PEX14: variants seen among roughly 807,000 people sequenced by gnomAD.
PEX14 encodes the protein peroxisomal membrane protein PEX14.
In PEX14, 15 loss-of-function variants were observed where a neutral mutation model predicts 49.5. The ratio of observed to expected loss-of-function variants is 0.30; its 90% CI spans 0.20 to 0.47. The LOEUF (loss-of-function observed/expected upper bound fraction) is 0.47. Among genes scored for constraint, PEX14 ranks in the 20% least tolerant of loss-of-function variants. PEX14 has a pLI of 1.00. For synonymous variants in PEX14, 210 were observed against 212.7 expected, an observed-to-expected ratio of 0.99 and a Z score of 0.11; for missense variants, 398 against 494.8, an observed-to-expected ratio of 0.80 and a Z score of 1.86.
intron 3 of PEX14, among the ~76,000 whole-genome samples, chr1:10,576,775 T>TA (rs1640127139): frequency 1.3e-5 from 2 of 151,244 alleles, no homozygotes; most frequent in Non-Finnish European, 1.5e-5. Flanking sequence ...TTTTTTTTTT[T>TA]AGATGGAATT....
At chr1:10,504,250 G>A (rs1481266302) in intron 2 of PEX14, among the ~76,000 whole-genome samples, 1 of 152,166 alleles carries the variant, frequency 6.6e-6, no homozygotes, top group Non-Finnish European at 1.5e-5. Context: ...AGTTATAACC[G>A]AGATTTATGC....
In PEX14 at chr1:10,524,362, C is replaced by T. The variant is rs1638400935; in HGVS notation, c.85-11851C>T. ...AAGGTTACAAAGCAAGATGGTAATTCATAATCCTTCAGATAACAAAAAGTG... is the reference window on the plus strand; with the variant it reads ...AAGGTTACAAAGCAAGATGGTAATTTATAATCCTTCAGATAACAAAAAGTG... On this transcript the variant is annotated intron_variant, in intron 2 of 8. Transcript: ENST00000356607. 7.0e-6 allele frequency: 3 copies of T among 430,296 alleles called. No individual in the cohort carries two copies. The South Asian group carries it at 3.0e-4, about 43-fold the overall frequency. 26.7% of individuals were successfully genotyped at this position (430,296 alleles called of 1,614,324 possible).
chr1:10,498,280 TAAAACAAAACAAAAC>T (rs70997243), intron 2 of PEX14, among the ~76,000 whole-genome samples: 21 of 150,042 alleles, frequency 1.4e-4, no homozygotes, highest in African/African-American at 2.5e-4. Flanking sequence ...GCCCTGTCTC[TAAAACAAAACAAAAC>T]AAAACAAAAC....
At position 10,613,968 on chromosome 1, in the gene PEX14, T is replaced by G. The variant is rs1272755175; in HGVS notation, c.299-4364T>G. 6.6e-6 allele frequency among the ~76,000 whole-genome samples: 1 copy of G among 152,198 alleles called. No individual in the cohort carries two copies. Among genetic ancestry groups the G allele is most frequent in the African/African-American group, 2.4e-5 (1 of 41,450 alleles). On this transcript the variant is annotated intron_variant, in intron 4 of 8. Transcript: ENST00000356607. This position sits in a 1 kb window ranked among gnomAD's most constrained non-coding sequence, Gnocchi z 5.0. ...CATCTCCTGCCCTTGTCTTTATACC[T>G]CCGGACATTCAGGGAGCCTGGTGGC...
chr1:10,572,078 G>T (rs534947640), intron 3 of PEX14, among the ~76,000 whole-genome samples: 1 of 152,212 alleles, frequency 6.6e-6, no homozygotes, highest in Non-Finnish European at 1.5e-5. Flanking sequence ...TCTTTCCTCA[G>T]ATTGAGAATT....
intron 2 of PEX14, among the ~76,000 whole-genome samples, chr1:10,502,373 T>C (rs1641697182): frequency 6.6e-6 from 1 of 152,192 alleles, no homozygotes; most frequent in African/African-American, 2.4e-5. Flanking sequence ...TTATGATCTC[T>C]AGGCCACTTA....
At chr1:10,564,029 T>A (rs1162054772) in intron 3 of PEX14, among the ~76,000 whole-genome samples, 1 of 152,232 alleles carries the variant, frequency 6.6e-6, no homozygotes, top group Non-Finnish European at 1.5e-5. Flanking sequence ...AGCTTTTAGA[T>A]TTTTTTCTCA....
At chr1:10,614,193 C>A (rs774490063) in intron 4 of PEX14, among the ~76,000 whole-genome samples, 5 of 152,238 alleles carry the variant, frequency 3.3e-5, no homozygotes, top group Non-Finnish European at 5.9e-5. Context: ...GGGTAGGAGT[C>A]ATCTCTATCC....
intron 3 of PEX14, among the ~76,000 whole-genome samples, chr1:10,592,415 GAAAA>G (rs991363658): frequency 6.8e-6 from 1 of 146,872 alleles, no homozygotes; most frequent in East Asian, 2.0e-4. Context: ...GGGATTAAAA[GAAAA>G]AAAAAACCTT....
At chr1:10,610,076 TTTA>T in intron 4 of PEX14, among the ~76,000 whole-genome samples, 1 of 148,118 alleles carries the variant, frequency 6.8e-6, no homozygotes, top group East Asian at 1.9e-4. Flanking sequence ...TCATATATAA[TTTA>T]TATATGCATT....
Position 10,629,334 on chromosome 1 carries a change from C to G in PEX14, c.678-197C>G, listed in dbSNP as rs181291606. On this transcript the variant is annotated intron_variant, in intron 8 of 8. Transcript: ENST00000356607. This position sits in a 1 kb window ranked among gnomAD's most constrained non-coding sequence, Gnocchi z 8.5. ...GGGCTGTCTGTGGGGGCACAGGACC[C>G]GCTTGGCATCTATCTCAGCTGTAGG... is the stretch of plus-strand genomic sequence containing the variant. 6.6e-6 allele frequency among the ~76,000 whole-genome samples: 1 copy of G among 152,194 alleles called. No individual in the cohort carries two copies. The highest frequency in any genetic ancestry group is 2.4e-5 in the African/African-American group (1 of 41,452).
intron 2 of PEX14, among the ~76,000 whole-genome samples, chr1:10,499,742 T>A (rs1170362922): frequency 1.3e-5 from 2 of 152,210 alleles, no homozygotes; most frequent in Non-Finnish European, 2.9e-5. Context: ...CCAACGTGCC[T>A]GGCCCCAAAC....
chr1:10,566,133 A>G (rs745808466), intron 3 of PEX14, among the ~76,000 whole-genome samples: 9 of 152,104 alleles, frequency 5.9e-5, no homozygotes, highest in Non-Finnish European at 1.2e-4. Flanking sequence ...AGTACTTTCA[A>G]TCAGTTTGTT....
intron 3 of PEX14, among the ~76,000 whole-genome samples, chr1:10,584,308 A>T (rs1221421681): frequency 2.0e-5 from 3 of 152,210 alleles, no homozygotes; most frequent in Non-Finnish European, 2.9e-5. Flanking sequence ...TAAGTTTGAG[A>T]TATCAGACAT....
intron 3 of PEX14, among the ~76,000 whole-genome samples, chr1:10,551,953 T>C (rs965396376): frequency 6.6e-6 from 1 of 151,402 alleles, no homozygotes; most frequent in Non-Finnish European, 1.5e-5. Flanking sequence ...ATTAGCCGGG[T>C]GTGGTGGCAG....
rs904477448 is a variant in PEX14, at chr1:10,529,415, G to A, written c.85-6798G>A. On this transcript the variant is annotated intron_variant, in intron 2 of 8. Transcript: ENST00000356607. This position sits in a 1 kb window ranked among gnomAD's most constrained non-coding sequence, Gnocchi z 4.2. ...GACACCTCTCCAAAGTCACCCTTAC[G>A]TCCCTAAGATCACTGTCCCTTGACA... Among the ~76,000 whole-genome samples the A allele has an allele frequency of 6.6e-6, 1 of 152,228 alleles. No individual in the cohort carries two copies. The highest frequency in any genetic ancestry group is 1.5e-5 in the Non-Finnish European group (1 of 68,040).
At chr1:10,504,933 G>A (rs1274049609) in intron 2 of PEX14, among the ~76,000 whole-genome samples, 3 of 151,814 alleles carry the variant, frequency 2.0e-5, no homozygotes, top group Non-Finnish European at 4.4e-5. Context: ...ACAGGTGTGC[G>A]CCACCACACC....
intron 3 of PEX14, among the ~76,000 whole-genome samples, chr1:10,549,389 G>A (rs534473749): frequency 6.6e-5 from 10 of 152,312 alleles, no homozygotes; most frequent in South Asian, 2.1e-4. Flanking sequence ...GGTCTTGGCC[G>A]AAAGAACACA....
chr1:10,629,596 C>A lies in PEX14; in HGVS notation c.743C>A (p.Pro248Gln), dbSNP rs553512429. The A allele has an allele frequency of 1.2e-6, 2 of 1,613,910 alleles. No individual in the cohort carries two copies. The highest frequency in any genetic ancestry group is 3.3e-5 in the Admixed American group (2 of 60,006). The change falls in exon 9 of 9, where the codon CCG becomes CAG. Residue 248 changes from proline to glutamine, a missense_variant. Physicochemically the swap from Pro to Gln is moderately conservative, Grantham distance 76. This residue lies in a region of PEX14 where 202 missense variants were observed against 298.5 expected (regional missense o/e 0.68). Transcript: ENST00000356607. This position sits in a 1 kb window ranked among gnomAD's most constrained non-coding sequence, Gnocchi z 8.5. Reference sequence around the variant, plus strand: ...TCCTGGCAGATCCCAGTCAAGTCACCGTCACCCTCCAGCCCTGCGGCCGTG... The same window carrying A: ...TCCTGGCAGATCCCAGTCAAGTCACAGTCACCCTCCAGCCCTGCGGCCGTG... ...IPSWQIPVKS[P>Q]SPSSPAAVNH...
Sources: gnomAD v4.1 joint callset for allele counts (sites outside exome capture counted in the v4.1 genomes callset) on GRCh38, gnomAD v4.1.1 for gene constraint, gnomAD v4.1.1 regional missense constraint, Gnocchi (gnomAD v3.1) non-coding constraint, MANE v1.5 for transcripts, NCBI Gene and HGNC (gene_info 2026-07-23, HGNC 2026-07-21) for gene names.